The following MTMR8 variants were observed in gnomAD, a reference collection of about 807,000 sequenced individuals.
MTMR8 encodes the protein phosphatidylinositol-3,5-bisphosphate 3-phosphatase MTMR8.
Under a neutral mutation model 39.3 loss-of-function variants are expected in MTMR8, and 65 were observed. That is an observed-to-expected ratio of 1.65 (90% CI 1.35 to 2.03). The LOEUF (loss-of-function observed/expected upper bound fraction) is 2.03. MTMR8 is among the 30% of genes most tolerant of loss of function. The pLI is 0.00. For synonymous variants in MTMR8, 245 were observed against 185.2 expected, an observed-to-expected ratio of 1.32 and a Z score of -2.62; for missense variants, 777 against 538.9, an observed-to-expected ratio of 1.44 and a Z score of -4.37.
intron 12 of MTMR8, among the ~76,000 whole-genome samples, chrX:64,286,654 C>A (rs1315255270): frequency 8.9e-6 from 1 of 111,779 alleles, no homozygotes; most frequent in Non-Finnish European, 1.9e-5. Flanking sequence ...AAGGCTGGTT[C>A]AATGTACACA....
At chrX:64,358,955 A>G (rs1281044516) in intron 2 of MTMR8, among the ~76,000 whole-genome samples, 3 of 110,199 alleles carry the variant, frequency 2.7e-5, no homozygotes, top group Non-Finnish European at 5.7e-5. Context: ...GGTAAAGTCC[A>G]TGAGGCCTTA....
chrX:64,382,139 G>C (rs1924443531), intron 1 of MTMR8, among the ~76,000 whole-genome samples: 1 of 111,725 alleles, frequency 9.0e-6, no homozygotes, highest in South Asian at 3.8e-4. Flanking sequence ...ATTCTGTGAA[G>C]AAAGTCATTG....
intron 12 of MTMR8, chrX:64,305,019 G>T (rs1391309347): frequency 6.4e-6 from 1 of 155,760 alleles, no homozygotes; most frequent in Non-Finnish European, 1.3e-5. Flanking sequence ...TATATAAATT[G>T]TACCTAACTT....
intron 12 of MTMR8, among the ~76,000 whole-genome samples, chrX:64,296,478 C>T (rs557319484): frequency 8.7e-4 from 94 of 108,112 alleles, no homozygotes; most frequent in African/African-American, 3.1e-3. Context: ...GTATATTTTA[C>T]AAAAACCAAA....
chrX:64,269,799 C>T, intron 13 of MTMR8, among the ~76,000 whole-genome samples: 1 of 111,041 alleles, frequency 9.0e-6, no homozygotes, highest in African/African-American at 3.3e-5. Flanking sequence ...AAAAAAAAGT[C>T]AACAGGGTTG....
intron 12 of MTMR8, chrX:64,305,870 C>G (rs909776213): frequency 3.8e-6 from 1 of 265,773 alleles, no homozygotes; most frequent in Non-Finnish European, 6.9e-6. Flanking sequence ...AATGCTAGCA[C>G]TTTGGGAGGC....
At chrX:64,367,935 C>T (rs1322432858) in intron 1 of MTMR8, among the ~76,000 whole-genome samples, 1 of 111,685 alleles carries the variant, frequency 9.0e-6, no homozygotes, top group Non-Finnish European at 1.9e-5. Context: ...AATCAATGTG[C>T]AAAAATCACA....
chrX:64,305,606 C>A, intron 12 of MTMR8: 2 of 520,160 alleles, frequency 3.8e-6, no homozygotes, highest in East Asian at 3.6e-5. Context: ...CAGTCTGAAC[C>A]ACCCGGCGGC....
chrX:64,323,008 G>A (rs1403982149), intron 12 of MTMR8, among the ~76,000 whole-genome samples: 2 of 112,691 alleles, frequency 1.8e-5, no homozygotes, highest in South Asian at 3.6e-4. Context: ...AACCCTGTGC[G>A]CTCACTAGCC....
chrX:64,309,857 C>A (rs1326749076), intron 12 of MTMR8, among the ~76,000 whole-genome samples: 2 of 112,258 alleles, frequency 1.8e-5, no homozygotes, highest in Non-Finnish European at 3.8e-5. Context: ...ATTAAAAATA[C>A]TTTATTACTA....
chrX:64,357,964 G>C (rs1197093498), intron 2 of MTMR8, among the ~76,000 whole-genome samples: 1 of 111,255 alleles, frequency 9.0e-6, no homozygotes, highest in African/African-American at 3.3e-5. Context: ...TTCCCTAATT[G>C]GGTAAATAAG....
chrX:64,281,294 C>G (rs1027267502), intron 12 of MTMR8, among the ~76,000 whole-genome samples: 2 of 111,568 alleles, frequency 1.8e-5, no homozygotes, highest in East Asian at 5.6e-4. Flanking sequence ...CTTGACTTCA[C>G]ACTATACTAC....
chrX:64,282,696 A>G (rs1921004796), intron 12 of MTMR8, among the ~76,000 whole-genome samples: 1 of 111,548 alleles, frequency 9.0e-6, no homozygotes, highest in African/African-American at 3.3e-5. Context: ...TATAAGACCA[A>G]AAGAATAAAA....
intron 1 of MTMR8, among the ~76,000 whole-genome samples, chrX:64,371,679 T>A (rs1194384645): frequency 9.0e-6 from 1 of 111,300 alleles, no homozygotes; most frequent in Admixed American, 9.6e-5. Flanking sequence ...ATCCCTACAC[T>A]TAGAAGTTTA....
chrX:64,294,941 C>T (rs1402954309), intron 12 of MTMR8, among the ~76,000 whole-genome samples: 2 of 111,420 alleles, frequency 1.8e-5, no homozygotes, highest in African/African-American at 6.5e-5. Flanking sequence ...TACAAGACCT[C>T]TTTATTAAAT....
At chrX:64,345,246 A>G (rs755474258) in intron 6 of MTMR8, 69 bp from the exon 7 acceptor site, 138 of 1,072,461 alleles carry the variant, frequency 1.3e-4, no homozygotes, top group Non-Finnish European at 1.7e-4. Flanking sequence ...ATCAATCTCA[A>G]TGCCTCATTC....
chrX:64,359,572 C>T (rs199623024), intron 1 of MTMR8, 45 bp from the exon 2 acceptor site: 3 of 1,149,617 alleles, frequency 2.6e-6, no homozygotes, highest in Admixed American at 2.3e-5. Context: ...CAACTCACCA[C>T]CTATGATTGA....
chrX:64,300,055 T>G (rs1390738530), intron 12 of MTMR8, among the ~76,000 whole-genome samples: 2 of 96,198 alleles, frequency 2.1e-5, no homozygotes, highest in Non-Finnish European at 4.2e-5. Context: ...ATGTATATTC[T>G]GTTGATTTGG....
intron 12 of MTMR8, among the ~76,000 whole-genome samples, chrX:64,325,275 G>A (rs981427693): frequency 1.8e-5 from 2 of 112,006 alleles, no homozygotes; most frequent in East Asian, 2.8e-4. Context: ...CACAACTGAA[G>A]AGGAGACAAT....
Sources: gnomAD v4.1 joint callset for allele counts (sites outside exome capture counted in the v4.1 genomes callset) on GRCh38, gnomAD v4.1.1 for gene constraint, MANE v1.5 for transcripts, NCBI Gene and HGNC (gene_info 2026-07-23, HGNC 2026-07-21) for gene names.